Variants in NAV2 observed in about 807,000 individuals in gnomAD.
The protein encoded by NAV2 is helicase, APC down-regulated 1.
In NAV2, 54 loss-of-function variants were observed where a neutral mutation model predicts 223.2. That is an observed-to-expected ratio of 0.24 (90% CI 0.19 to 0.30). The LOEUF is 0.30. Among genes scored for constraint, NAV2 ranks in the 10% least tolerant of loss-of-function variants. NAV2 has a pLI of 1.00. For missense variants in NAV2, 2,806 were observed against 3,147.5 expected, an observed-to-expected ratio of 0.89 and a Z score of 2.60; for synonymous variants, 1,279 against 1,239.3, an observed-to-expected ratio of 1.03 and a Z score of -0.67.
chr11:19,791,008 G>T (rs2057479570), intron 1 of NAV2, among the ~76,000 whole-genome samples: 1 of 151,934 alleles, frequency 6.6e-6, no homozygotes, highest in African/African-American at 2.4e-5. Flanking sequence ...CAGTCCCTGT[G>T]ATGTAAGTAC....
chr11:19,989,023 A>T (rs1475007519), intron 11 of NAV2, among the ~76,000 whole-genome samples: 1 of 152,200 alleles, frequency 6.6e-6, no homozygotes, highest in Non-Finnish European at 1.5e-5. Flanking sequence ...CATAGTCCCT[A>T]CTGAGAGCCA....
At position 19,588,399 on chromosome 11, in the gene NAV2, G is replaced by A. The variant is rs140179533; in HGVS notation, c.75+237372G>A. On this transcript the variant is annotated intron_variant, in intron 1 of 37. Coordinates refer to the NAV2 transcript ENST00000360655. Reference sequence around the variant, plus strand: ...TTAGAGGGCATCTAGGCCCATAGCTGCAAAAATGACCCAGCTTGTGAGCCA... The same window carrying A: ...TTAGAGGGCATCTAGGCCCATAGCTACAAAAATGACCCAGCTTGTGAGCCA... 3.1e-3 allele frequency among the ~76,000 whole-genome samples: 472 copies of A among 152,330 alleles called. 3 individuals carry two copies. The highest frequency in any genetic ancestry group is 0.01 in the African/African-American group (424 of 41,578).
chr11:20,072,925 A>G (rs2059492323), intron 22 of NAV2, among the ~76,000 whole-genome samples: 1 of 152,106 alleles, frequency 6.6e-6, no homozygotes, highest in South Asian at 2.1e-4. Context: ...AATACCCTTT[A>G]TTTCCTTCTC....
intron 11 of NAV2, among the ~76,000 whole-genome samples, chr11:20,000,294 A>C (rs1381002743): frequency 6.6e-6 from 1 of 152,208 alleles, no homozygotes; most frequent in East Asian, 1.9e-4. Context: ...CAGAACATGA[A>C]AGGGTTTATG....
At chr11:20,098,698 C>G (rs2153695537) in intron 31 of NAV2, among the ~76,000 whole-genome samples, 1 of 152,358 alleles carries the variant, frequency 6.6e-6, no homozygotes, top group East Asian at 1.9e-4. Flanking sequence ...GAGCCTCACA[C>G]AGCCTCCTCC....
chr11:19,886,330 C>T (rs931337384), intron 5 of NAV2, among the ~76,000 whole-genome samples: 1 of 152,194 alleles, frequency 6.6e-6, no homozygotes, highest in African/African-American at 2.4e-5. Flanking sequence ...CCAGGTCAGG[C>T]TCTGCCTGGC....
intron 1 of NAV2, among the ~76,000 whole-genome samples, chr11:19,577,075 G>A (rs1163451804): frequency 6.6e-6 from 1 of 152,232 alleles, no homozygotes; most frequent in Non-Finnish European, 1.5e-5. Flanking sequence ...CTCAATCCAT[G>A]TTTGTAAAAG....
chr11:20,012,522 A>C (rs749235083), intron 11 of NAV2, among the ~76,000 whole-genome samples: 1 of 152,098 alleles, frequency 6.6e-6, no homozygotes, highest in African/African-American at 2.4e-5. Flanking sequence ...TAAAATTACA[A>C]AAATTAGCCG....
chr11:19,680,277 T>G (rs1431516152), intron 1 of NAV2, among the ~76,000 whole-genome samples: 2 of 152,206 alleles, frequency 1.3e-5, no homozygotes, highest in African/African-American at 4.8e-5. Context: ...CAGTGCTGGC[T>G]TCTGTCCTGA....
chr11:19,540,091 T>A (rs994545279), intron 1 of NAV2, among the ~76,000 whole-genome samples: 1 of 152,178 alleles, frequency 6.6e-6, no homozygotes, highest in South Asian at 2.1e-4. Flanking sequence ...CTAGCCACCA[T>A]CCCTGAAGGG....
At chr11:20,098,026 A>G (rs757583156) in intron 31 of NAV2, among the ~76,000 whole-genome samples, 31 of 152,194 alleles carry the variant, frequency 2.0e-4, no homozygotes, top group Non-Finnish European at 4.0e-4. Context: ...CTGTTGAAAT[A>G]GGGCTTTACT....
chr11:20,002,884 G>C (rs1305693438), intron 11 of NAV2, among the ~76,000 whole-genome samples: 5 of 152,192 alleles, frequency 3.3e-5, no homozygotes, highest in Non-Finnish European at 7.3e-5. Context: ...GAAGCAAATA[G>C]CTGACTTATT....
At chr11:19,895,676 T>C (rs1277566866) in intron 6 of NAV2, among the ~76,000 whole-genome samples, 1 of 152,186 alleles carries the variant, frequency 6.6e-6, no homozygotes, top group African/African-American at 2.4e-5. Context: ...TCCCAGTCTG[T>C]AGAAGGGTGC....
intron 9 of NAV2, 45 bp from the exon 10 acceptor site, chr11:19,948,646 G>T: frequency 6.6e-7 from 1 of 1,504,672 alleles, no homozygotes; most frequent in Non-Finnish European, 8.9e-7. Context: ...AACTGTGAAG[G>T]ATACTAGGTA....
At chr11:20,043,940 G>T in intron 12 of NAV2, 41 bp from the exon 13 acceptor site, 1 of 1,583,250 alleles carries the variant, frequency 6.3e-7, no homozygotes, top group Non-Finnish European at 8.7e-7. Flanking sequence ...TTCCCAGCCT[G>T]GGACTGGGGA....
intron 1 of NAV2, among the ~76,000 whole-genome samples, chr11:19,576,876 G>T (rs570712937): frequency 1.3e-5 from 2 of 152,322 alleles, no homozygotes; most frequent in Admixed American, 1.3e-4. Flanking sequence ...GGCCTGGGAA[G>T]GTGTCCTGGG....
At chr11:19,444,091 T>A (rs1851499170) in intron 1 of NAV2, among the ~76,000 whole-genome samples, 1 of 152,124 alleles carries the variant, frequency 6.6e-6, no homozygotes, top group Non-Finnish European at 1.5e-5. Context: ...CCAGCCACCA[T>A]GACACCACGA....
At chr11:19,651,264 A>ATCT (rs1242761563) in intron 1 of NAV2, among the ~76,000 whole-genome samples, 1 of 152,236 alleles carries the variant, frequency 6.6e-6, no homozygotes, top group Non-Finnish European at 1.5e-5. Flanking sequence ...TCCAGGGAGA[A>ATCT]CGTCTTTTCT....
chr11:19,755,622 C>T (rs1009251315), intron 1 of NAV2, among the ~76,000 whole-genome samples: 1 of 152,188 alleles, frequency 6.6e-6, no homozygotes, highest in Non-Finnish European at 1.5e-5. Context: ...CAATTCTTGG[C>T]ATTCCTTGGT....
Sources: allele counts gnomAD v4.1 joint callset (sites outside exome capture counted in the v4.1 genomes callset), GRCh38; gene constraint gnomAD v4.1.1; transcripts MANE v1.5; gene names NCBI Gene and HGNC (gene_info 2026-07-23, HGNC 2026-07-21).